L3MBTL2: variants seen among roughly 807,000 people sequenced by gnomAD.
The protein encoded by L3MBTL2 is L3MBTL histone methyl-lysine binding protein 2.
Under a neutral mutation model 86.4 loss-of-function variants are expected in L3MBTL2, and 49 were observed. The observed-to-expected ratio is 0.57, with a 90% CI of 0.45 to 0.72. The LOEUF (loss-of-function observed/expected upper bound fraction) is 0.72. Ranked by LOEUF, L3MBTL2 falls within the 30% of genes least tolerant of loss-of-function variation. The pLI is 0.00. For synonymous variants in L3MBTL2, 336 were observed against 350.6 expected, an observed-to-expected ratio of 0.96 and a Z score of 0.47; for missense variants, 755 against 923.7, an observed-to-expected ratio of 0.82 and a Z score of 2.37.
intron 7 of L3MBTL2, 33 bp from the exon 8 acceptor site, chr22:41,221,166 T>A: frequency 6.6e-7 from 1 of 1,518,238 alleles, no homozygotes; most frequent in Non-Finnish European, 8.9e-7. Flanking sequence ...TTTGTCAGTC[T>A]GTGTAACCAG....
intron 1 of L3MBTL2, 128 bp from the exon 2 acceptor site, chr22:41,209,568 T>C: frequency 1.4e-6 from 1 of 724,820 alleles, no homozygotes; most frequent in East Asian, 2.5e-5. Flanking sequence ...GATCTTGGTG[T>C]TTGTAAAAGG....
chr22:41,219,181 G>A, intron 5 of L3MBTL2: 1 of 439,512 alleles, frequency 2.3e-6, no homozygotes, highest in South Asian at 2.4e-5. Context: ...ACTCGGTTCT[G>A]TCTGACTCTG....
chr22:41,210,771 A>C (rs537945472), intron 2 of L3MBTL2, among the ~76,000 whole-genome samples: 1 of 152,192 alleles, frequency 6.6e-6, no homozygotes, highest in Non-Finnish European at 1.5e-5. Context: ...GCCCTAGTCT[A>C]ATTTCAAATT....
rs1160506220 is a variant in L3MBTL2 at position 41,224,324 on chromosome 22, T to C, written c.1174+73T>C. The C allele has an allele frequency of 1.6e-6, 2 of 1,236,798 alleles. No homozygotes were observed. Among genetic ancestry groups the C allele is most frequent in the Non-Finnish European group, 2.3e-6 (2 of 867,148 alleles). The allele number at this position is 1,236,798 out of a possible 1,614,324, so 76.6% of individuals were successfully genotyped here. A position where few individuals can be genotyped will look rare whatever the true frequency, so the allele number is the denominator to read the frequency against. ...GGACGGAGTGGGAGCACCTTCCTAC[T>C]CGTCACAGCAGGTCAGCAGGTGGAG... On this transcript the variant is annotated intron_variant, in intron 9 of 16. Coordinates refer to ENST00000216237, the MANE Select transcript of L3MBTL2 (RefSeq NM_031488.5). The surrounding 1 kb of genome is among the most constrained non-coding windows in gnomAD (Gnocchi z 4.9).
At chr22:41,217,949 C>G (rs959824240) in intron 5 of L3MBTL2, 3 of 152,276 alleles carry the variant, frequency 2.0e-5, no homozygotes, top group Admixed American at 6.5e-5. Flanking sequence ...CCTCTCGTCT[C>G]TGAATGGCTA....
chr22:41,228,961 A>G (rs1241099539), intron 15 of L3MBTL2, among the ~76,000 whole-genome samples: 1 of 152,194 alleles, frequency 6.6e-6, no homozygotes, highest in Non-Finnish European at 1.5e-5. Flanking sequence ...GAAGAAATCA[A>G]CAATCAAAAA....
Position 41,227,890 on chromosome 22 carries a change from G to GCCACA in L3MBTL2, c.1888+24_1888+25insCACCA, listed in dbSNP as rs753838657. 1.3e-5 allele frequency: 21 copies of GCCACA among 1,610,466 alleles called. No homozygotes were observed. Among genetic ancestry groups the GCCACA allele is most frequent in the Middle Eastern group, 3.3e-4 (2 of 6,038 alleles). The stretch of plus-strand genomic sequence containing the variant: ...GAAAAGTAAGTGCTGCACCGGTGCA[G>GCCACA]CCAGGCTGGTGTGGGCCTGGGAGCA... On this transcript the variant is annotated intron_variant, in intron 15 of 16. Coordinates refer to ENST00000216237, the MANE Select transcript of L3MBTL2 (RefSeq NM_031488.5). The surrounding 1 kb of genome is among the most constrained non-coding windows in gnomAD (Gnocchi z 6.0).
chr22:41,216,544 TTC>T (rs1465566892), intron 4 of L3MBTL2, among the ~76,000 whole-genome samples: 1 of 152,192 alleles, frequency 6.6e-6, no homozygotes, highest in Non-Finnish European at 1.5e-5. Flanking sequence ...TCCTTTTGGT[TTC>T]TGTTTCCCTG....
Position 41,216,269 on chromosome 22 carries a change from T to G in L3MBTL2, c.520+7T>G. On this transcript the variant is annotated splice_region_variant and intron_variant, in intron 4 of 16. Transcript: ENST00000216237. ...ACACCAACAGGACAAGACGGTAAGA[T>G]AGCAGAGGGCCCTGCTTAGGAAGCT... The G allele has an allele frequency of 6.2e-7, 1 of 1,612,228 alleles. No individual in the cohort carries two copies. The highest frequency in any genetic ancestry group is 8.5e-7 in the Non-Finnish European group (1 of 1,178,504).
intron 2 of L3MBTL2, 45 bp downstream of exon 2, chr22:41,209,978 T>G: frequency 6.3e-7 from 1 of 1,599,232 alleles, no homozygotes; most frequent in Non-Finnish European, 8.5e-7. Context: ...GATAGAAGAT[T>G]ATAGAGGAAG....
At position 41,230,352 on chromosome 22, in the gene L3MBTL2, T is replaced by C. The variant is rs2032517303; in HGVS notation, c.*101T>C. The C allele has an allele frequency of 2.3e-6, 2 of 862,002 alleles. No individual in the cohort carries two copies. The highest frequency in any genetic ancestry group is 2.5e-5 in the East Asian group (1 of 39,552). 53.4% of individuals were successfully genotyped at this position (862,002 alleles called of 1,614,324 possible). ...CTGACTTTGGCTTGGAGACTGATCC[T>C]CTCTGTGTAAATTCTGCCCGGTGCT... On this transcript the variant is annotated 3_prime_UTR_variant, in exon 17 of 17. Transcript: ENST00000216237.
intron 5 of L3MBTL2, chr22:41,218,255 A>ACTTTGGGG (rs2031546268): frequency 6.6e-6 from 1 of 152,068 alleles, no homozygotes; most frequent in Non-Finnish European, 1.5e-5. Flanking sequence ...GCTTACCCCT[A>ACTTTGGGG]TAATCCCAGC....
intron 15 of L3MBTL2, chr22:41,228,214 T>C (rs1215033378): frequency 1.0e-6 from 1 of 985,286 alleles, no homozygotes; most frequent in East Asian, 1.1e-4. Flanking sequence ...AGCTGCTAGG[T>C]TCTAAAGGAA....
Position 41,230,251 on chromosome 22 carries a change from A to G in L3MBTL2, c.2118A>G (p.Ter706TrpextTer37), listed in dbSNP as rs199902657. 1.9e-6 allele frequency: 3 copies of G among 1,611,790 alleles called. No homozygotes were observed. In the Admixed American group the frequency reaches 5.0e-5, roughly 27 times the overall value. Residue 706 changes from the stop codon to tryptophan (W), a stop_lost, in exon 17 of 17, where the codon TGA (stop) becomes TGG (tryptophan). Transcript: ENST00000216237. ...VENIKQETDD* is the reference protein window; with the variant it reads ...VENIKQETDDW ...ACATCAAGCAGGAAACAGACGACTG[A>G]GCCTTCCTGCCTCCAGCCTGGCTTC...
At chr22:41,228,406 C>A in intron 15 of L3MBTL2, 1 of 985,458 alleles carries the variant, frequency 1.0e-6, no homozygotes, top group Non-Finnish European at 1.2e-6. Flanking sequence ...CTGAGCCCAG[C>A]TTGGGTTCCA....
In L3MBTL2 at chr22:41,224,169, C is replaced by T. The variant is rs771310215; in HGVS notation, c.1092C>T (p.Asp364=). ...TCTACGAGGATGGTGACAGTGACGA[C>T]GACTTCTGGTGCCACATGTGGAGCC... ...RLLYEDGDSD[D]DFWCHMWSPL... The change falls in exon 9 of 17, where the codon GAC becomes GAT. Residue 364 remains aspartate (D), a synonymous_variant. Coordinates refer to ENST00000216237, the MANE Select transcript of L3MBTL2 (RefSeq NM_031488.5). This position sits in a 1 kb window ranked among gnomAD's most constrained non-coding sequence, Gnocchi z 4.9. The T allele has an allele frequency of 3.8e-5, 61 of 1,613,948 alleles. No homozygotes were observed. The highest frequency in any genetic ancestry group is 1.5e-4 in the Admixed American group (9 of 59,990).
chr22:41,213,156 G>A (rs1002629676), intron 2 of L3MBTL2, among the ~76,000 whole-genome samples: 1 of 152,174 alleles, frequency 6.6e-6, no homozygotes, highest in Non-Finnish European at 1.5e-5. Flanking sequence ...GGCAGAGCTT[G>A]CAGTGAGCCA....
At chr22:41,213,339 T>C (rs1354804800) in intron 2 of L3MBTL2, among the ~76,000 whole-genome samples, 1 of 149,294 alleles carries the variant, frequency 6.7e-6, no homozygotes, top group Non-Finnish European at 1.5e-5. Flanking sequence ...TTTCGCTTTT[T>C]TTTGAGACAG....
chr22:41,228,380 CCTCA>C, intron 15 of L3MBTL2: 1 of 985,462 alleles, frequency 1.0e-6, no homozygotes, highest in Non-Finnish European at 1.2e-6. Flanking sequence ...CTTGGTGGGG[CCTCA>C]CTCTACAGAT....
Sources: allele counts gnomAD v4.1 joint callset (sites outside exome capture counted in the v4.1 genomes callset), GRCh38; gene constraint gnomAD v4.1.1; non-coding constraint Gnocchi (gnomAD v3.1); transcripts MANE v1.5; gene names NCBI Gene and HGNC (gene_info 2026-07-23, HGNC 2026-07-21).